TSHZ2: variants seen among roughly 807,000 people sequenced by gnomAD.
The protein encoded by TSHZ2 is teashirt zinc finger homeobox 2, also known as teashirt homolog 2.
Under a neutral mutation model 74.4 loss-of-function variants are expected in TSHZ2, and 21 were observed. That is an observed-to-expected ratio of 0.28 (90% confidence interval 0.20 to 0.41). TSHZ2 has a LOEUF of 0.41. TSHZ2 is among the 10% of genes least tolerant of loss of function. The pLI is 1.00. For synonymous variants in TSHZ2, 540 were observed against 515.3 expected, an observed-to-expected ratio of 1.05 and a Z score of -0.65; for missense variants, 1,244 against 1,293.5, an observed-to-expected ratio of 0.96 and a Z score of 0.59.
intron 2 of TSHZ2, among the ~76,000 whole-genome samples, chr20:53,427,851 G>A (rs539578463): frequency 8.5e-5 from 13 of 152,206 alleles, no homozygotes; most frequent in Non-Finnish European, 1.5e-4. Flanking sequence ...GGGATGGAAG[G>A]CCTAGAGCCC....
chr20:53,179,319 C>T (rs1988418824), intron 1 of TSHZ2: 1 of 152,154 alleles, frequency 6.6e-6, no homozygotes, highest in Non-Finnish European at 1.5e-5. Context: ...AATTATCAAA[C>T]CTCTGTATGG....
At chr20:53,129,941 C>A (rs1275835042) in intron 1 of TSHZ2, among the ~76,000 whole-genome samples, 1 of 151,790 alleles carries the variant, frequency 6.6e-6, no homozygotes, top group Non-Finnish European at 1.5e-5. Context: ...AAAACTCAGT[C>A]CTGCTTTTAT....
chr20:53,128,504 TG>T (rs1003361336), intron 1 of TSHZ2, among the ~76,000 whole-genome samples: 11 of 152,206 alleles, frequency 7.2e-5, no homozygotes, highest in African/African-American at 2.7e-4. Context: ...GATAGATAAT[TG>T]CTTACCAAAG....
At chr20:53,440,430 G>C (rs1318904546) in intron 2 of TSHZ2, among the ~76,000 whole-genome samples, 1 of 152,190 alleles carries the variant, frequency 6.6e-6, no homozygotes, top group Non-Finnish European at 1.5e-5. Context: ...CAGCTTGGGA[G>C]ACCTTACGTC....
chr20:53,356,320 CAGTT>C lies in TSHZ2; in HGVS notation c.*8+99753_*8+99756del, dbSNP rs147606959. Among the ~76,000 whole-genome samples, 837 of 152,236 alleles carry C rather than the reference CAGTT, an allele frequency of 5.5e-3. 4 individuals are homozygous for C. Among genetic ancestry groups the C allele is most frequent in the Non-Finnish European group, 8.1e-3 (550 of 68,006 alleles). On this transcript the variant is annotated intron_variant, in intron 2 of 2. Transcript: ENST00000371497. ...CTGAGGGATAATTATGATCTGAACT[CAGTT>C]AGTCCAGCACCAGAGCTTGAAATCT...
At chr20:53,393,998 GAC>G (rs1456247105) in intron 2 of TSHZ2, among the ~76,000 whole-genome samples, 2 of 152,210 alleles carry the variant, frequency 1.3e-5, no homozygotes, top group Non-Finnish European at 2.9e-5. Flanking sequence ...AGGAAAAACT[GAC>G]AGAGTGACTG....
chr20:53,190,088 TATATATATATATATA>T (rs1443955316), intron 1 of TSHZ2, among the ~76,000 whole-genome samples: 4 of 12,836 alleles, frequency 3.1e-4, no homozygotes, highest in African/African-American at 8.5e-4. Context: ...CTGTCTCAAA[TATATATATATATATA>T]TATATATATA....
intron 2 of TSHZ2, among the ~76,000 whole-genome samples, chr20:53,429,382 G>A (rs533178827): frequency 3.9e-5 from 6 of 152,310 alleles, no homozygotes; most frequent in South Asian, 4.1e-4. Context: ...GAATTCCCAC[G>A]TGTTGTGGGG....
chr20:53,484,489 G>A (rs536730812), intron 2 of TSHZ2, among the ~76,000 whole-genome samples: 3 of 150,800 alleles, frequency 2.0e-5, no homozygotes, highest in Admixed American at 1.3e-4. Context: ...AGGTTCAAGC[G>A]ATTCTCATGC....
chr20:53,427,634 A>G (rs1983700092), intron 2 of TSHZ2, among the ~76,000 whole-genome samples: 1 of 152,236 alleles, frequency 6.6e-6, no homozygotes, highest in Admixed American at 6.5e-5. Flanking sequence ...TCCAAAATAG[A>G]GAACAGAAAT....
At chr20:53,448,710 T>A (rs968252789) in intron 2 of TSHZ2, among the ~76,000 whole-genome samples, 1 of 152,212 alleles carries the variant, frequency 6.6e-6, no homozygotes, top group Non-Finnish European at 1.5e-5. Flanking sequence ...TCCTTAACTT[T>A]GTGTCATTCC....
At chr20:53,018,176 T>C (rs1040908757) in intron 1 of TSHZ2, among the ~76,000 whole-genome samples, 5 of 152,308 alleles carry the variant, frequency 3.3e-5, no homozygotes, top group Admixed American at 1.3e-4. Context: ...TCCTTCTGTC[T>C]CCTACCATTT....
intron 1 of TSHZ2, among the ~76,000 whole-genome samples, chr20:53,133,478 T>C (rs2123392203): frequency 6.6e-6 from 1 of 152,340 alleles, no homozygotes; most frequent in South Asian, 2.1e-4. Context: ...ATGCATGCCA[T>C]GCAGAAAACA....
chr20:53,279,270 C>T (rs759241067), intron 2 of TSHZ2, among the ~76,000 whole-genome samples: 64 of 152,194 alleles, frequency 4.2e-4, no homozygotes, highest in Non-Finnish European at 8.4e-4. Context: ...CAGCTGTATT[C>T]AATCTTCCAT....
At chr20:53,261,556 G>A (rs1034782384) in intron 2 of TSHZ2, among the ~76,000 whole-genome samples, 5 of 152,126 alleles carry the variant, frequency 3.3e-5, no homozygotes, top group South Asian at 2.1e-4. Context: ...CAAATGCATC[G>A]TCTTCCTTAA....
Position 53,163,214 on chromosome 20 carries a change from C to T in TSHZ2, c.41-90285C>T, listed in dbSNP as rs947253956. ...GTCCCCACCTGCTGAGATCCCTGTC[C>T]TTGTGTGATTTTATCCTCTTGAAAG... is the stretch of plus-strand genomic sequence containing the variant. On this transcript the variant is annotated intron_variant, in intron 1 of 2. Transcript: ENST00000371497. Among the ~76,000 whole-genome samples the T allele has an allele frequency of 2.6e-5, 4 of 152,172 alleles. No homozygotes were observed. In the East Asian group the frequency reaches 7.7e-4, roughly 29 times the overall value.
rs114932672 is a variant in TSHZ2 at position 53,035,743 on chromosome 20, A to G, written c.40+62410A>G. Among the ~76,000 whole-genome samples the G allele has an allele frequency of 1.2e-3, 182 of 152,306 alleles. 1 individual carries two copies. The highest frequency in any genetic ancestry group is 4.2e-3 in the African/African-American group (176 of 41,566). The stretch of plus-strand genomic sequence containing the variant: ...GGAAGACAAGTATCAAAGAATCTCT[A>G]TAAAAGAAAGCAGAGTTCATTGGTT... On this transcript the variant is annotated intron_variant, in intron 1 of 2. Coordinates refer to ENST00000371497, the MANE Select transcript of TSHZ2 (RefSeq NM_173485.6).
chr20:52,982,423 A>G (rs1981601173), intron 1 of TSHZ2, among the ~76,000 whole-genome samples: 1 of 152,228 alleles, frequency 6.6e-6, no homozygotes, highest in African/African-American at 2.4e-5. Context: ...GAGAGCCTAG[A>G]CGGAGGATGC....
intron 2 of TSHZ2, among the ~76,000 whole-genome samples, chr20:53,291,215 T>C (rs1252284305): frequency 6.6e-6 from 1 of 152,106 alleles, no homozygotes; most frequent in East Asian, 1.9e-4. Flanking sequence ...CTCACGCCTG[T>C]AATCCCAGCA....
Sources: gnomAD v4.1 joint callset for allele counts (sites outside exome capture counted in the v4.1 genomes callset) on GRCh38, gnomAD v4.1.1 for gene constraint, MANE v1.5 for transcripts, NCBI Gene and HGNC (gene_info 2026-07-23, HGNC 2026-07-21) for gene names.